The following COL25A1 variants were observed in gnomAD, a reference collection of about 807,000 sequenced individuals.
COL25A1 encodes collagen alpha-1(XXV) chain.
COL25A1 carries 103 observed loss-of-function variants against 128.4 expected under a neutral mutation model. The observed-to-expected ratio is 0.80, with a 90% CI of 0.68 to 0.94. COL25A1 has a LOEUF of 0.94. Ranked by LOEUF, COL25A1 falls within the 40% of genes least tolerant of loss-of-function variation. The pLI, the probability that COL25A1 is intolerant of heterozygous loss-of-function variation, is 0.00. For missense variants in COL25A1, 745 were observed against 840.0 expected, an observed-to-expected ratio of 0.89 and a Z score of 1.40; for synonymous variants, 279 against 277.2, an observed-to-expected ratio of 1.01 and a Z score of -0.06.
At chr4:109,196,404 T>C (rs1356850910) in intron 3 of COL25A1, among the ~76,000 whole-genome samples, 1 of 152,110 alleles carries the variant, frequency 6.6e-6, no homozygotes, top group Non-Finnish European at 1.5e-5. Flanking sequence ...TGTGAATGTG[T>C]GTATATATGT....
At chr4:108,873,049 C>T (rs2345002) in intron 19 of COL25A1, among the ~76,000 whole-genome samples, 82,634 of 151,562 alleles carry the variant, frequency 0.55, 23,790 homozygotes, top group East Asian at 1. Flanking sequence ...TGCATCACCA[C>T]GCCTGGCTAA....
chr4:108,983,476 G>A (rs9985574), intron 6 of COL25A1, among the ~76,000 whole-genome samples: 120,868 of 152,116 alleles, frequency 0.79, 49,201 homozygotes, highest in East Asian at 1. Context: ...AATTTTACCC[G>A]GGCTACTTAA....
chr4:109,217,450 T>C (rs1778075571), intron 3 of COL25A1, among the ~76,000 whole-genome samples: 1 of 152,162 alleles, frequency 6.6e-6, no homozygotes, highest in South Asian at 2.1e-4. Flanking sequence ...AACTCTTTTA[T>C]AGATAAGTCT....
intron 10 of COL25A1, 36 bp from the exon 11 acceptor site, chr4:108,937,879 T>A: frequency 6.5e-7 from 1 of 1,544,610 alleles, no homozygotes; most frequent in Non-Finnish European, 8.8e-7. Context: ...AGTAACGCTG[T>A]AAGTATTTAA....
chr4:109,191,201 A>C (rs933923917), intron 3 of COL25A1, among the ~76,000 whole-genome samples: 1 of 152,194 alleles, frequency 6.6e-6, no homozygotes, highest in African/African-American at 2.4e-5. Context: ...CATTGGGAAA[A>C]CAATTAGTTT....
At chr4:108,985,757 T>C (rs972843362) in intron 6 of COL25A1, among the ~76,000 whole-genome samples, 7 of 152,194 alleles carry the variant, frequency 4.6e-5, no homozygotes, top group African/African-American at 1.7e-4. Context: ...TTTTGTTTTT[T>C]ACTCTACTTC....
intron 19 of COL25A1, among the ~76,000 whole-genome samples, chr4:108,873,651 C>T (rs577703191): frequency 8.6e-5 from 13 of 151,926 alleles, no homozygotes; most frequent in South Asian, 2.1e-4. Flanking sequence ...CTTCTTGTCA[C>T]CTTTTAACCT....
chr4:108,984,649 C>G (rs548009531), intron 6 of COL25A1, among the ~76,000 whole-genome samples: 1 of 152,222 alleles, frequency 6.6e-6, no homozygotes, highest in Non-Finnish European at 1.5e-5. Context: ...CTCCGAAGTG[C>G]GGGGTTCGCT....
chr4:109,017,776 G>A (rs1757352257), intron 5 of COL25A1, among the ~76,000 whole-genome samples: 2 of 152,124 alleles, frequency 1.3e-5, no homozygotes, highest in Admixed American at 6.5e-5. Context: ...AAAAACTTGA[G>A]GAAATATTAA....
intron 3 of COL25A1, among the ~76,000 whole-genome samples, chr4:109,103,514 T>C (rs1766118250): frequency 6.6e-6 from 1 of 152,200 alleles, no homozygotes; most frequent in South Asian, 2.1e-4. Flanking sequence ...AAGTCACCAA[T>C]TTTTTATTTG....
chr4:109,064,606 T>C (rs1466570155), intron 3 of COL25A1, among the ~76,000 whole-genome samples: 1 of 152,158 alleles, frequency 6.6e-6, no homozygotes, highest in East Asian at 1.9e-4. Context: ...ATTTGAATCA[T>C]TCCTGAACTA....
Position 108,939,932 on chromosome 4 carries a change from A to C in COL25A1, c.672+607T>G, listed in dbSNP as rs559093571. ...TACTTTTAAATTATTTCTATGAATA[A>C]GCCTTACATACAAAAGACAAATGAT... is the stretch of plus-strand genomic sequence containing the variant. On this transcript the variant is annotated intron_variant, in intron 10 of 37. Transcript: ENST00000399132. Among the ~76,000 whole-genome samples the C allele has an allele frequency of 2.0e-5, 3 of 152,326 alleles. No individual in the cohort carries two copies. The East Asian group carries it at 5.8e-4, about 29-fold the overall frequency.
chr4:109,223,334 C>T lies in COL25A1; in HGVS notation c.367+77249G>A, dbSNP rs191522155. ...CAGGCCTCAATCTTACTGTTGTGTA[C>T]TCTTAGAAAGTTGGGATGCATTTTT... On this transcript the variant is annotated intron_variant, in intron 3 of 37. Transcript: ENST00000399132. 4.0e-5 allele frequency among the ~76,000 whole-genome samples: 6 copies of T among 151,628 alleles called. No individual in the cohort carries two copies. In the East Asian group the frequency reaches 1.2e-3, roughly 29 times the overall value.
chr4:109,036,845 C>T (rs1236996646), intron 5 of COL25A1, among the ~76,000 whole-genome samples: 1 of 152,210 alleles, frequency 6.6e-6, no homozygotes, highest in Non-Finnish European at 1.5e-5. Flanking sequence ...TCAATTTTCA[C>T]TCTCACCTGT....
chr4:108,867,447 A>G (rs538054057), intron 20 of COL25A1, among the ~76,000 whole-genome samples: 3 of 152,362 alleles, frequency 2.0e-5, no homozygotes, highest in African/African-American at 7.2e-5. Flanking sequence ...GAATCTGCTC[A>G]GGCTAAAACA....
chr4:109,131,429 T>C (rs1230570345), intron 3 of COL25A1, among the ~76,000 whole-genome samples: 3 of 152,222 alleles, frequency 2.0e-5, no homozygotes, highest in Admixed American at 6.5e-5. Context: ...ATTCTGAATA[T>C]TGTTTTAAAC....
At chr4:108,874,816 A>C (rs1739239198) in intron 19 of COL25A1, among the ~76,000 whole-genome samples, 1 of 152,218 alleles carries the variant, frequency 6.6e-6, no homozygotes, top group Admixed American at 6.5e-5. Context: ...TCAGGACACC[A>C]ATGAATAGCA....
At chr4:108,862,237 C>G (rs938828118) in intron 22 of COL25A1, among the ~76,000 whole-genome samples, 1 of 152,074 alleles carries the variant, frequency 6.6e-6, no homozygotes, top group South Asian at 2.1e-4. Context: ...TTCAAAGAAG[C>G]TATTCCTATG....
intron 3 of COL25A1, among the ~76,000 whole-genome samples, chr4:109,083,526 G>A (rs978205748): frequency 3.8e-5 from 5 of 131,498 alleles, no homozygotes; most frequent in Admixed American, 8.9e-5. Context: ...GCAGTGGCGC[G>A]ATCTCGACTC....
Sources: gnomAD v4.1 joint callset for allele counts (sites outside exome capture counted in the v4.1 genomes callset) on GRCh38, gnomAD v4.1.1 for gene constraint, MANE v1.5 for transcripts, NCBI Gene and HGNC (gene_info 2026-07-23, HGNC 2026-07-21) for gene names.